Variants in ZFYVE26 observed in about 807,000 individuals in gnomAD.
ZFYVE26 encodes the protein zinc finger FYVE-type containing 26.
Under a neutral mutation model 276.5 loss-of-function variants are expected in ZFYVE26, and 181 were observed. That is an observed-to-expected ratio of 0.65 (90% CI 0.58 to 0.74). ZFYVE26 has a LOEUF of 0.74. ZFYVE26 is among the 30% of genes least tolerant of loss of function. ZFYVE26 has a pLI of 0.00. For missense variants in ZFYVE26, 2,821 were observed against 3,097.9 expected (o/e 0.91, Z 2.12); for synonymous variants, 1,129 against 1,203.1 (o/e 0.94, Z 1.27).
In ZFYVE26 at chr14:67,734,078, A is replaced by C. The variant is rs1453421086; in HGVS notation, n.2680-4259T>G. ...TAGAGTGTTCTTCTCTAAGACCTGGAAAGTCAGCAACCCTCTGGGGGCAGC... is the reference window on the plus strand; with the variant it reads ...TAGAGTGTTCTTCTCTAAGACCTGGCAAGTCAGCAACCCTCTGGGGGCAGC... On this transcript the variant is annotated intron_variant and non_coding_transcript_variant, in intron 13 of 14. Transcript: ENST00000394455. 3 of 405,086 alleles carry C rather than the reference A, an allele frequency of 7.4e-6. No homozygotes were observed. The highest frequency in any genetic ancestry group is 1.4e-5 in the Non-Finnish European group (3 of 210,546). 25.1% of individuals were successfully genotyped at this position (405,086 alleles called of 1,614,324 possible). A position where few individuals can be genotyped will look rare whatever the true frequency, so the allele number is the denominator to read the frequency against.
rs773571478 is a variant in ZFYVE26 at position 67,762,765 on chromosome 14, G to A, written c.6066C>T (p.His2022=). The stretch of plus-strand genomic sequence containing the variant: ...GCAAGATCTGATCCAAAGATGGCAC[G>A]TGGCGATAGGCAGCAGCAACTAAAA... ...LNILVAAAYR[H]VPSLDQILQP... is the part of the protein sequence containing the mutation. The change falls in exon 33 of 42, where the codon CAC becomes CAT. Residue 2022 remains histidine, a synonymous_variant. Transcript: ENST00000347230. 1.2e-5 allele frequency: 19 copies of A among 1,614,100 alleles called. No individual in the cohort carries two copies. The highest frequency in any genetic ancestry group is 3.3e-5 in the Admixed American group (2 of 60,010).
intron 14 of ZFYVE26, chr14:67,729,101 C>A: frequency 7.5e-7 from 1 of 1,336,708 alleles, no homozygotes; most frequent in South Asian, 1.2e-5. Flanking sequence ...TGAGTCCCTC[C>A]TTCTCACTTG....
At chr14:67,802,332 AT>A (rs2140246945) in intron 9 of ZFYVE26, 50 bp from the exon 10 acceptor site, 1 of 1,583,158 alleles carries the variant, frequency 6.3e-7, no homozygotes, top group Non-Finnish European at 8.7e-7. Flanking sequence ...TTAATTCAGG[AT>A]GCAAGTATGG....
intron 13 of ZFYVE26, among the ~76,000 whole-genome samples, chr14:67,739,537 T>C (rs2038391590): frequency 6.6e-6 from 1 of 152,176 alleles, no homozygotes; most frequent in African/African-American, 2.4e-5. Context: ...TTTTTTTTCT[T>C]ACCATTACTG....
chr14:67,734,022 A>C, intron 13 of ZFYVE26: 1 of 570,940 alleles, frequency 1.8e-6, no homozygotes, highest in Non-Finnish European at 3.3e-6. Flanking sequence ...CTCTTGTGAG[A>C]CTGGCTTATG....
At chr14:67,789,056 T>A (rs2039739139) in intron 16 of ZFYVE26, among the ~76,000 whole-genome samples, 1 of 152,222 alleles carries the variant, frequency 6.6e-6, no homozygotes, top group Non-Finnish European at 1.5e-5. Flanking sequence ...GAGAAAGGCA[T>A]GGAGTCTTAA....
At chr14:67,785,313 TCA>T in intron 18 of ZFYVE26, 36 bp from the exon 19 acceptor site, 1 of 1,540,944 alleles carries the variant, frequency 6.5e-7, no homozygotes, top group Non-Finnish European at 8.8e-7. Context: ...GACACAGGCT[TCA>T]GTCTGTGAGT....
At chr14:67,790,545 C>T (rs770567771) in intron 15 of ZFYVE26, 27 bp downstream of exon 15, 5 of 1,611,652 alleles carry the variant, frequency 3.1e-6, no homozygotes, top group Non-Finnish European at 3.4e-6. Context: ...CACCTCACCA[C>T]TTATGGTGTT....
At chr14:67,769,133 T>C (rs1030393599) in intron 29 of ZFYVE26, among the ~76,000 whole-genome samples, 3 of 152,176 alleles carry the variant, frequency 2.0e-5, no homozygotes, top group Admixed American at 2.0e-4. Flanking sequence ...GAACTCTGTG[T>C]AGGCAAGTAT....
Position 67,762,296 on chromosome 14 carries a change from G to C in ZFYVE26, c.6276C>G (p.Pro2092=). 6 of 1,614,144 alleles carry C rather than the reference G, an allele frequency of 3.7e-6. No individual in the cohort carries two copies. The highest frequency in any genetic ancestry group is 5.1e-6 in the Non-Finnish European group (6 of 1,180,026). The change falls in exon 34 of 42, where the codon CCC becomes CCG. Residue 2092 remains proline (P), a synonymous_variant. Coordinates refer to ENST00000347230, the MANE Select transcript of ZFYVE26 (RefSeq NM_015346.4). ...AREKFSRCLK[P]PFDLNQLNHG... Reference sequence around the variant, plus strand: ...GATTCAGCTGATTGAGGTCAAATGGGGGCTTCAGACAGCGACTGAACTTCT... The same window carrying C: ...GATTCAGCTGATTGAGGTCAAATGGCGGCTTCAGACAGCGACTGAACTTCT...
chr14:67,784,334 C>A lies in ZFYVE26; in HGVS notation c.3626G>T (p.Arg1209Ile). The change falls in exon 20 of 42, where the codon AGA (arginine) becomes ATA (isoleucine). Residue 1209 changes from arginine to isoleucine, a missense_variant and splice_region_variant. Coordinates refer to ENST00000347230, the MANE Select transcript of ZFYVE26 (RefSeq NM_015346.4). ...LLFERQVPPE[R>I]LAALLAQENL... is the part of the protein sequence containing the mutation. ...TGACTTGCATGGAGGTGGCTCCTAC[C>A]TCTCTGGGGGAACTTGTCTCTCAAA... 1 of 1,613,940 alleles carries A rather than the reference C, an allele frequency of 6.2e-7. No individual in the cohort carries two copies. The highest frequency in any genetic ancestry group is 2.2e-5 in the East Asian group (1 of 44,882).
chr14:67,785,030 G>C (rs186501116), intron 19 of ZFYVE26, 29 bp downstream of exon 19: 11 of 1,610,686 alleles, frequency 6.8e-6, no homozygotes, highest in Middle Eastern at 1.7e-4. Flanking sequence ...GGTCTGCCAT[G>C]AATCTATTGC....
intron 27 of ZFYVE26, among the ~76,000 whole-genome samples, chr14:67,773,146 T>G (rs2039256187): frequency 6.6e-6 from 1 of 152,204 alleles, no homozygotes; most frequent in Admixed American, 6.5e-5. Flanking sequence ...TTTCTAGATG[T>G]GATAATGGTA....
At position 67,751,036 on chromosome 14, in the gene ZFYVE26, A is replaced by G; in HGVS notation, c.7416+16T>C. 1.9e-6 allele frequency: 3 copies of G among 1,614,190 alleles called. No individual in the cohort carries two copies. Among genetic ancestry groups the G allele is most frequent in the Non-Finnish European group, 2.5e-6 (3 of 1,180,022 alleles). On this transcript the variant is annotated intron_variant, in intron 41 of 41. Transcript: ENST00000347230. Reference sequence around the variant, plus strand: ...ATTCATTGGCATCACCAGCGTTTGGAGACAATTCCGCTCACCTTGTTGTCA... The same window carrying G: ...ATTCATTGGCATCACCAGCGTTTGGGGACAATTCCGCTCACCTTGTTGTCA...
At position 67,748,644 on chromosome 14, in the gene ZFYVE26, C is replaced by G. The variant is rs201771769; in HGVS notation, c.7417-5G>C. 5.3e-3 allele frequency: 8,606 copies of G among 1,613,792 alleles called. 59 individuals are homozygous for G. The highest frequency in any genetic ancestry group is 0.018 in the South Asian group (1,671 of 91,056). ...ACATATCAGGTAGGCCCGAACCTGG[C>G]AGTCAGTTATAAGAGACAGCGGAAA... On this transcript the variant is annotated splice_polypyrimidine_tract_variant and splice_region_variant and intron_variant, in intron 41 of 41. Transcript: ENST00000347230.
intron 29 of ZFYVE26, among the ~76,000 whole-genome samples, chr14:67,769,375 C>T (rs771016285): frequency 6.6e-6 from 1 of 152,188 alleles, no homozygotes; most frequent in African/African-American, 2.4e-5. Flanking sequence ...ATGTAAGAAC[C>T]TTGAACACCT....
chr14:67,776,125 C>A lies in ZFYVE26; in HGVS notation c.4975-19G>T, dbSNP rs771666294. Reference sequence around the variant, plus strand: ...GCAGAATCTGTTTGTGGGGTAGATCCATAGAGTAAAGAAAATAGTACACAA... The same window carrying A: ...GCAGAATCTGTTTGTGGGGTAGATCAATAGAGTAAAGAAAATAGTACACAA... On this transcript the variant is annotated intron_variant, in intron 25 of 41. Coordinates refer to ENST00000347230, the MANE Select transcript of ZFYVE26 (RefSeq NM_015346.4). 1 of 1,613,748 alleles carries A rather than the reference C, an allele frequency of 6.2e-7. No homozygotes were observed. Among genetic ancestry groups the A allele is most frequent in the Non-Finnish European group, 8.5e-7 (1 of 1,179,898 alleles).
At chr14:67,765,168 T>C (rs1040616739) in intron 32 of ZFYVE26, among the ~76,000 whole-genome samples, 4 of 152,238 alleles carry the variant, frequency 2.6e-5, no homozygotes, top group African/African-American at 9.6e-5. Flanking sequence ...TACCTCTTGA[T>C]ATAAAGGAAT....
intron 30 of ZFYVE26, among the ~76,000 whole-genome samples, chr14:67,768,203 G>T (rs1438991789): frequency 6.6e-6 from 1 of 152,212 alleles, no homozygotes; most frequent in Non-Finnish European, 1.5e-5. Context: ...GGGGTAAGGA[G>T]GGAGCATGGG....
Sources: allele counts gnomAD v4.1 joint callset (sites outside exome capture counted in the v4.1 genomes callset), GRCh38; gene constraint gnomAD v4.1.1; transcripts MANE v1.5; gene names NCBI Gene and HGNC (gene_info 2026-07-23, HGNC 2026-07-21).